Variants in MEF2A observed in about 807,000 individuals in gnomAD.
The protein encoded by MEF2A is myocyte enhancer factor 2A.
In MEF2A, 28 loss-of-function variants were observed where a neutral mutation model predicts 55.8. The observed-to-expected ratio is 0.50, with a 90% confidence interval of 0.37 to 0.69. The LOEUF (loss-of-function observed/expected upper bound fraction) is 0.69. Among genes scored for constraint, MEF2A ranks in the 30% least tolerant of loss-of-function variants. The pLI, the probability that MEF2A is intolerant of heterozygous loss-of-function variation, is 0.00. For missense variants in MEF2A, 528 were observed against 626.2 expected (o/e 0.84, Z 1.67); for synonymous variants, 239 against 227.1 (o/e 1.05, Z -0.47).
chr15:99,663,308 A>T (rs2048994699), intron 4 of MEF2A, among the ~76,000 whole-genome samples: 1 of 152,188 alleles, frequency 6.6e-6, no homozygotes, highest in South Asian at 2.1e-4. Flanking sequence ...CTCTGTAAAC[A>T]GATGCCAAAG....
At chr15:99,594,375 C>T (rs1482235531) in intron 1 of MEF2A, among the ~76,000 whole-genome samples, 1 of 151,964 alleles carries the variant, frequency 6.6e-6, no homozygotes, top group African/African-American at 2.4e-5. Flanking sequence ...CACAGAGCTT[C>T]CATCCTCTAT....
At chr15:99,611,324 A>G (rs886909103) in intron 2 of MEF2A, among the ~76,000 whole-genome samples, 2 of 152,228 alleles carry the variant, frequency 1.3e-5, no homozygotes, top group African/African-American at 2.4e-5. Flanking sequence ...TCCAGAATAT[A>G]TGAACTCTTA....
intron 1 of MEF2A, among the ~76,000 whole-genome samples, chr15:99,567,600 A>G (rs748816923): frequency 5.7e-4 from 85 of 148,246 alleles, no homozygotes; most frequent in South Asian, 1.1e-3. Context: ...AAATGACTGC[A>G]TTGTGCCTTT....
At chr15:99,660,693 G>A (rs2048471874) in intron 4 of MEF2A, among the ~76,000 whole-genome samples, 1 of 152,102 alleles carries the variant, frequency 6.6e-6, no homozygotes. Flanking sequence ...AAAGCATCTA[G>A]CATTACTTAT....
intron 1 of MEF2A, among the ~76,000 whole-genome samples, chr15:99,591,347 A>T (rs1596324970): frequency 6.6e-6 from 1 of 152,072 alleles, no homozygotes; most frequent in Non-Finnish European, 1.5e-5. Context: ...CACTTTACAG[A>T]TGTAATTCCT....
At position 99,638,923 on chromosome 15, in the gene MEF2A, T is replaced by A. The variant is rs1243104824; in HGVS notation, c.54+5750T>A. On this transcript the variant is annotated intron_variant, in intron 3 of 11. Transcript: ENST00000557942. Reference sequence around the variant, plus strand: ...TCTTCCTGCTTTAGCAGCTTTCTGATGTCTTTAAAGAGGTATTTGTTGTAT... The same window carrying A: ...TCTTCCTGCTTTAGCAGCTTTCTGAAGTCTTTAAAGAGGTATTTGTTGTAT... Among the ~76,000 whole-genome samples, 3 of 152,212 alleles carry A rather than the reference T, an allele frequency of 2.0e-5. No homozygotes were observed. In the East Asian group the frequency reaches 5.8e-4, roughly 29 times the overall value.
chr15:99,571,432 C>T (rs1310836985), intron 1 of MEF2A, among the ~76,000 whole-genome samples: 1 of 152,114 alleles, frequency 6.6e-6, no homozygotes, highest in Non-Finnish European at 1.5e-5. Context: ...TTCCTCCTAC[C>T]ATTACTATCG....
At chr15:99,661,950 T>C (rs2048717464) in intron 4 of MEF2A, among the ~76,000 whole-genome samples, 1 of 151,968 alleles carries the variant, frequency 6.6e-6, no homozygotes, top group Non-Finnish European at 1.5e-5. Flanking sequence ...TTAGTGAAAA[T>C]GAGCCAGCTA....
chr15:99,610,411 G>GCCCCC (rs59710476), intron 2 of MEF2A, among the ~76,000 whole-genome samples: 1 of 71,562 alleles, frequency 1.4e-5, no homozygotes, highest in African/African-American at 1.1e-4. Context: ...GGTCTCCCCC[G>GCCCCC]CCCCCCCCCC....
intron 2 of MEF2A, among the ~76,000 whole-genome samples, chr15:99,599,889 T>G (rs1327284943): frequency 1.3e-5 from 2 of 152,108 alleles, no homozygotes; most frequent in African/African-American, 2.4e-5. Flanking sequence ...ATAAAAAATT[T>G]TACATTGCAT....
chr15:99,678,632 A>G, intron 7 of MEF2A: 1 of 984,596 alleles, frequency 1.0e-6, no homozygotes, highest in South Asian at 4.7e-5. Context: ...GCTTCCCTAA[A>G]ATTGGAATAC....
chr15:99,570,337 C>T (rs1268213583), intron 1 of MEF2A, among the ~76,000 whole-genome samples: 1 of 152,024 alleles, frequency 6.6e-6, no homozygotes, highest in East Asian at 1.9e-4. Context: ...AATTTTACTT[C>T]CTTACACAAA....
chr15:99,681,575 T>C (rs745371812), intron 7 of MEF2A, among the ~76,000 whole-genome samples: 1 of 152,214 alleles, frequency 6.6e-6, no homozygotes, highest in Admixed American at 6.5e-5. Flanking sequence ...GAAGAAGATA[T>C]GTTGCCTTTT....
chr15:99,684,638 T>A (rs528524698), intron 7 of MEF2A, among the ~76,000 whole-genome samples: 81 of 152,366 alleles, frequency 5.3e-4, no homozygotes, highest in African/African-American at 1.9e-3. Flanking sequence ...GCGAAGATTT[T>A]CTCCCACTCT....
intron 8 of MEF2A, among the ~76,000 whole-genome samples, chr15:99,692,317 A>G (rs1321231919): frequency 6.6e-6 from 1 of 152,224 alleles, no homozygotes; most frequent in African/African-American, 2.4e-5. Flanking sequence ...GTCCAGGTCA[A>G]AAAACAAGTA....
At chr15:99,698,930 T>G (rs904012565) in intron 8 of MEF2A, among the ~76,000 whole-genome samples, 1 of 151,592 alleles carries the variant, frequency 6.6e-6, no homozygotes, top group Non-Finnish European at 1.5e-5. Flanking sequence ...AAATATACAC[T>G]TGCTGGCCAG....
intron 3 of MEF2A, among the ~76,000 whole-genome samples, chr15:99,638,041 A>G (rs2044202223): frequency 6.6e-6 from 1 of 152,144 alleles, no homozygotes; most frequent in African/African-American, 2.4e-5. Flanking sequence ...ACATCTTTTC[A>G]TGTGCTTATT....
At chr15:99,688,479 C>T (rs994569411) in intron 7 of MEF2A, among the ~76,000 whole-genome samples, 2 of 152,146 alleles carry the variant, frequency 1.3e-5, no homozygotes, top group East Asian at 1.9e-4. Context: ...AAATGCTGGC[C>T]GGACACGTTG....
At chr15:99,633,298 A>G (rs2043221186) in intron 3 of MEF2A, 125 bp downstream of exon 3, 1 of 601,070 alleles carries the variant, frequency 1.7e-6, no homozygotes, top group Admixed American at 3.8e-5. Flanking sequence ...TACAGACTAA[A>G]TGAAAAATTC....
Sources: gnomAD v4.1 joint callset for allele counts (sites outside exome capture counted in the v4.1 genomes callset) on GRCh38, gnomAD v4.1.1 for gene constraint, MANE v1.5 for transcripts, NCBI Gene and HGNC (gene_info 2026-07-23, HGNC 2026-07-21) for gene names.